Variants in KCNK2 observed in about 807,000 individuals in gnomAD.
KCNK2 encodes potassium channel subfamily K member 2.
In KCNK2, 21 loss-of-function variants were observed where a neutral mutation model predicts 40.5. The ratio of observed to expected loss-of-function variants is 0.52; its 90% CI spans 0.37 to 0.75. The LOEUF (loss-of-function observed/expected upper bound fraction) is 0.75, where lower values mean the gene tolerates loss of function less well. KCNK2 is among the 30% of genes least tolerant of loss of function. The probability of loss-of-function intolerance (pLI) is 0.00; values close to 1 mark genes in which losing one functional copy is unlikely to be tolerated. For missense variants in KCNK2, 399 were observed against 531.6 expected, an observed-to-expected ratio of 0.75 and a Z score of 2.45; for synonymous variants, 191 against 202.2, an observed-to-expected ratio of 0.94 and a Z score of 0.47.
At chr1:215,007,037 A>ATGTGTGTGTGTGTGTGTG (rs1214318973) in intron 1 of KCNK2, among the ~76,000 whole-genome samples, 7 of 51,580 alleles carry the variant, frequency 1.4e-4, no homozygotes, top group Non-Finnish European at 1.7e-4. Flanking sequence ...ATATATATAT[A>ATGTGTGTGTGTGTGTGTG]TGTGTGTGTG....
At chr1:215,115,362 A>G (rs1660886715) in intron 2 of KCNK2, among the ~76,000 whole-genome samples, 1 of 152,174 alleles carries the variant, frequency 6.6e-6, no homozygotes, top group Non-Finnish European at 1.5e-5. Context: ...TAGGAACCCT[A>G]TGGATGTGTG....
intron 1 of KCNK2, among the ~76,000 whole-genome samples, chr1:215,072,787 A>G (rs1424118150): frequency 6.6e-6 from 1 of 152,192 alleles, no homozygotes; most frequent in African/African-American, 2.4e-5. Flanking sequence ...CATGTAAAAC[A>G]TTGTGCTGAG....
chr1:215,171,894 C>T, intron 4 of KCNK2, 103 bp from the exon 5 acceptor site: 1 of 780,352 alleles, frequency 1.3e-6, no homozygotes, highest in African/African-American at 1.8e-5. Context: ...TGTGGGTATA[C>T]AAGTAATTTC....
chr1:215,051,120 A>G (rs879932745), intron 1 of KCNK2, among the ~76,000 whole-genome samples: 1 of 152,134 alleles, frequency 6.6e-6, no homozygotes, highest in Non-Finnish European at 1.5e-5. Context: ...GCTGGAGGAT[A>G]GTGGCCATTC....
chr1:215,222,764 A>G (rs896543910), intron 6 of KCNK2, among the ~76,000 whole-genome samples: 1 of 151,738 alleles, frequency 6.6e-6, no homozygotes, highest in African/African-American at 2.4e-5. Flanking sequence ...CTGGTTGGTA[A>G]AGAGAATAAT....
chr1:215,019,292 C>T (rs1029965559), intron 1 of KCNK2, among the ~76,000 whole-genome samples: 5 of 152,124 alleles, frequency 3.3e-5, no homozygotes, highest in Admixed American at 6.5e-5. Context: ...CTGATGCAAA[C>T]GATAGAACTT....
In KCNK2 at chr1:215,129,119, T is replaced by C. The variant is rs964206840; in HGVS notation, c.475+4369T>C. ...CGAAATAATTAGATACAAGAATCAA[T>C]AGGCCTTGGTGACTAATAGAATGAA... On this transcript the variant is annotated intron_variant, in intron 3 of 6. Coordinates refer to ENST00000444842, the MANE Select transcript of KCNK2 (RefSeq NM_001017425.3). Among the ~76,000 whole-genome samples, 5 of 152,122 alleles carry C rather than the reference T, an allele frequency of 3.3e-5. No homozygotes were observed. The South Asian group carries it at 1.0e-3, about 32-fold the overall frequency.
chr1:215,180,185 C>A (rs1054351209), intron 5 of KCNK2, among the ~76,000 whole-genome samples: 16 of 152,064 alleles, frequency 1.1e-4, no homozygotes, highest in Non-Finnish European at 2.1e-4. Flanking sequence ...GACCTCTACT[C>A]TTTTTCATGT....
chr1:215,172,588 C>A (rs1441243355), intron 5 of KCNK2, among the ~76,000 whole-genome samples: 1 of 152,136 alleles, frequency 6.6e-6, no homozygotes, highest in Admixed American at 6.6e-5. Flanking sequence ...ATTATAGGCC[C>A]ATCCTACGCA....
Position 215,217,520 on chromosome 1 carries a change from T to C in KCNK2, c.964-17308T>C, listed in dbSNP as rs140423756. Among the ~76,000 whole-genome samples, 769 of 152,258 alleles carry C rather than the reference T, an allele frequency of 5.1e-3. 11 individuals are homozygous for C. Among genetic ancestry groups the C allele is most frequent in the African/African-American group, 0.018 (729 of 41,554 alleles). On this transcript the variant is annotated intron_variant, in intron 6 of 6. Transcript: ENST00000444842. ...CATCTTTATTACTCACTTCTCATCT[T>C]CCTTTCACACTCTTAAACTCTCCAG...
intron 2 of KCNK2, among the ~76,000 whole-genome samples, chr1:215,103,415 A>G (rs12137544): frequency 0.083 from 12,557 of 152,090 alleles, 571 homozygotes; most frequent in Middle Eastern, 0.15. Flanking sequence ...TGTATTAAAA[A>G]TCTTCCACAA....
chr1:215,071,299 A>G (rs1558077159), intron 1 of KCNK2, among the ~76,000 whole-genome samples: 1 of 152,218 alleles, frequency 6.6e-6, no homozygotes, highest in South Asian at 2.1e-4. Context: ...TTACCTAATC[A>G]TGCACATTAT....
At chr1:215,088,575 G>GAAA (rs10689637) in intron 2 of KCNK2, among the ~76,000 whole-genome samples, 24 of 133,886 alleles carry the variant, frequency 1.8e-4, no homozygotes, top group African/African-American at 5.9e-4. Context: ...GACAGGACAG[G>GAAA]AAAAAAAAAA....
chr1:215,111,165 G>C (rs528107396), intron 2 of KCNK2, among the ~76,000 whole-genome samples: 1 of 152,156 alleles, frequency 6.6e-6, no homozygotes, highest in African/African-American at 2.4e-5. Context: ...CATGTAATCT[G>C]AGAGCAGAGG....
intron 1 of KCNK2, among the ~76,000 whole-genome samples, chr1:215,028,967 CTT>C (rs143223591): frequency 6.9e-6 from 1 of 144,192 alleles, no homozygotes. Flanking sequence ...AAAAAACAGG[CTT>C]TTTTTTTTTT....
At chr1:215,013,789 A>T (rs1656489869) in intron 1 of KCNK2, among the ~76,000 whole-genome samples, 1 of 151,988 alleles carries the variant, frequency 6.6e-6, no homozygotes, top group Non-Finnish European at 1.5e-5. Context: ...AATTTGCTAA[A>T]CTCATTTCTT....
chr1:215,034,947 A>G (rs1481018440), intron 1 of KCNK2, among the ~76,000 whole-genome samples: 3 of 151,900 alleles, frequency 2.0e-5, no homozygotes, highest in Non-Finnish European at 2.9e-5. Flanking sequence ...GCCCTCACCT[A>G]TTGCTTATTT....
chr1:215,017,860 TA>T (rs1656646704), intron 1 of KCNK2, among the ~76,000 whole-genome samples: 1 of 152,086 alleles, frequency 6.6e-6, no homozygotes, highest in Non-Finnish European at 1.5e-5. Flanking sequence ...TCAATTAAAG[TA>T]AATAAATAGT....
At chr1:215,134,531 C>T (rs1661815077) in intron 3 of KCNK2, among the ~76,000 whole-genome samples, 1 of 152,134 alleles carries the variant, frequency 6.6e-6, no homozygotes, top group South Asian at 2.1e-4. Flanking sequence ...CTCTCCAAAC[C>T]CCATAGTTCA....
Sources: gnomAD v4.1 joint callset for allele counts (sites outside exome capture counted in the v4.1 genomes callset) on GRCh38, gnomAD v4.1.1 for gene constraint, MANE v1.5 for transcripts, NCBI Gene and HGNC (gene_info 2026-07-23, HGNC 2026-07-21) for gene names.